The following CCDC82 variants were observed in gnomAD, a reference collection of about 807,000 sequenced individuals.
The protein encoded by CCDC82 is coiled-coil domain-containing protein 82.
In CCDC82, 47 loss-of-function variants were observed where a neutral mutation model predicts 60.6. The ratio of observed to expected loss-of-function variants is 0.77; its 90% confidence interval spans 0.61 to 0.99. The LOEUF (loss-of-function observed/expected upper bound fraction) is 0.99. Among genes scored for constraint, CCDC82 ranks in the 50% least tolerant of loss-of-function variants. The pLI is 0.00. For missense variants in CCDC82, 588 were observed against 633.0 expected (o/e 0.93, Z 0.76); for synonymous variants, 212 against 207.4 (o/e 1.02, Z -0.19).
rs758691852 is a variant in CCDC82 at position 96,384,213 on chromosome 11, G to C, written c.535C>G (p.Arg179Gly). 1.9e-6 allele frequency: 3 copies of C among 1,613,616 alleles called. No homozygotes were observed. The highest frequency in any genetic ancestry group is 2.5e-6 in the Non-Finnish European group (3 of 1,179,814). Residue 179 changes from arginine to glycine, a missense_variant, in exon 4 of 10, where the codon CGA becomes GGA. By Grantham distance (125) the Arg-to-Gly change is moderately radical. Coordinates refer to ENST00000646818, the MANE Select transcript of CCDC82 (RefSeq NM_024725.4). Reference sequence around the variant, plus strand: ...GAGGATAGCCTTTTTCTTTTTCCTCGCTTGATGTCTTCTTCTTCTAAATCA... The same window carrying C: ...GAGGATAGCCTTTTTCTTTTTCCTCCCTTGATGTCTTCTTCTTCTAAATCA... ...EDDLEEEDIK[R>G]GKRKRLSSVM... is the part of the protein sequence containing the mutation.
intron 1 of CCDC82, chr11:96,389,141 AATAAAC>A (rs931904737): frequency 6.6e-6 from 1 of 152,238 alleles, no homozygotes; most frequent in Non-Finnish European, 1.5e-5. Flanking sequence ...GATATAAGAA[AATAAAC>A]ATAAAGAGAG....
intron 8 of CCDC82, among the ~76,000 whole-genome samples, chr11:96,359,497 G>A (rs1054513493): frequency 2.0e-5 from 3 of 152,080 alleles, no homozygotes; most frequent in Non-Finnish European, 4.4e-5. Context: ...AAATGCTAGT[G>A]AAGAGGGGCA....
intron 8 of CCDC82, among the ~76,000 whole-genome samples, chr11:96,361,858 A>G (rs923474542): frequency 1.3e-5 from 2 of 152,238 alleles, no homozygotes; most frequent in East Asian, 1.9e-4. Context: ...TATTCTAACA[A>G]GAAAATTAGT....
At chr11:96,361,585 A>C (rs866429687) in intron 8 of CCDC82, among the ~76,000 whole-genome samples, 1 of 152,332 alleles carries the variant, frequency 6.6e-6, no homozygotes, top group South Asian at 2.1e-4. Context: ...CAGTAGATGC[A>C]AAGGATAGGT....
intron 9 of CCDC82, chr11:96,355,979 A>G (rs1219760428): frequency 1.3e-5 from 2 of 152,244 alleles, no homozygotes; most frequent in East Asian, 3.8e-4. Flanking sequence ...AGTAGCTACA[A>G]CTGCAGAAGG....
At chr11:96,374,455 T>C (rs1865457485) in intron 5 of CCDC82, among the ~76,000 whole-genome samples, 1 of 152,142 alleles carries the variant, frequency 6.6e-6, no homozygotes, top group Admixed American at 6.5e-5. Flanking sequence ...TATGCATTCT[T>C]TTCTAAGGAG....
intron 5 of CCDC82, among the ~76,000 whole-genome samples, chr11:96,378,046 TC>T (rs939851778): frequency 6.6e-6 from 1 of 151,940 alleles, no homozygotes; most frequent in African/African-American, 2.4e-5. Flanking sequence ...TGCCACTCCC[TC>T]CCCCAAATTT....
chr11:96,381,768 G>A (rs1865888337), intron 5 of CCDC82: 2 of 151,724 alleles, frequency 1.3e-5, no homozygotes, highest in South Asian at 4.1e-4. Flanking sequence ...GCAGACCCCT[G>A]ATAGTGCCCA....
chr11:96,384,163 A>T lies in CCDC82; in HGVS notation c.585T>A (p.Ser195Arg). 1 of 1,613,740 alleles carries T rather than the reference A, an allele frequency of 6.2e-7. No individual in the cohort carries two copies. Among genetic ancestry groups the T allele is most frequent in the Non-Finnish European group, 8.5e-7 (1 of 1,179,798 alleles). Residue 195 changes from serine to arginine, a missense_variant, in exon 4 of 10, where the codon AGT becomes AGA. Transcript: ENST00000646818. Reference sequence around the variant, plus strand: ...TTCTAACTAGGATATCGCTGTCATCACTCTCATCACTGTCACACATCACAG... The same window carrying T: ...TTCTAACTAGGATATCGCTGTCATCTCTCTCATCACTGTCACACATCACAG... ...LSSVMCDSDE[S>R]DDSDILVRKV...
intron 9 of CCDC82, chr11:96,357,753 T>A (rs908806680): frequency 1.0e-6 from 1 of 985,372 alleles, no homozygotes; most frequent in Non-Finnish European, 1.2e-6. Context: ...ATAAAAGCAC[T>A]TAAGAATTTA....
intron 5 of CCDC82, chr11:96,382,628 T>G (rs1284793503): frequency 6.6e-6 from 1 of 151,902 alleles, no homozygotes; most frequent in African/African-American, 2.4e-5. Flanking sequence ...AGTTCATTTA[T>G]ATGGTTTTGA....
intron 8 of CCDC82, chr11:96,364,150 T>C (rs1220065927): frequency 2.6e-5 from 4 of 152,142 alleles, no homozygotes; most frequent in African/African-American, 9.7e-5. Context: ...ACGAAATCAC[T>C]TTTGCTAGGA....
At chr11:96,370,379 C>G (rs1865197553) in intron 7 of CCDC82, among the ~76,000 whole-genome samples, 1 of 152,054 alleles carries the variant, frequency 6.6e-6, no homozygotes, top group Admixed American at 6.6e-5. Context: ...ATAACTGGTA[C>G]ATGAAACAAA....
At position 96,371,014 on chromosome 11, in the gene CCDC82, T is replaced by C. The variant is rs763850284; in HGVS notation, c.1208A>G (p.Lys403Arg). ...GAGATTCAAAAACAAACTGTGTACC[T>C]TATATTGCTCTTTCCAACGACTTCT... is the stretch of plus-strand genomic sequence containing the variant. ...VSRSRWKEQY[K>R]ERVENYSNVS... The change falls in exon 7 of 10, where the codon AAG becomes AGG. Residue 403 changes from lysine (K) to arginine (R), a missense_variant and splice_region_variant. Coordinates refer to ENST00000646818, the MANE Select transcript of CCDC82 (RefSeq NM_024725.4). The C allele has an allele frequency of 6.3e-7, 1 of 1,586,662 alleles. No individual in the cohort carries two copies.
intron 4 of CCDC82, 125 bp downstream of exon 4, chr11:96,383,837 C>T: frequency 2.3e-6 from 2 of 879,426 alleles, no homozygotes; most frequent in East Asian, 5.3e-5. Flanking sequence ...TTCAAGAATA[C>T]TTGATTAAAA....
chr11:96,360,094 C>T (rs113752468), intron 8 of CCDC82, among the ~76,000 whole-genome samples: 1,756 of 147,198 alleles, frequency 0.012, 29 homozygotes, highest in African/African-American at 0.041. Flanking sequence ...TCTGACTGCA[C>T]TGACCAAATT....
intron 7 of CCDC82, among the ~76,000 whole-genome samples, chr11:96,366,344 T>C (rs1864947074): frequency 6.6e-6 from 1 of 152,240 alleles, no homozygotes; most frequent in Non-Finnish European, 1.5e-5. Flanking sequence ...CTAATTAAGA[T>C]CTTACTGAAT....
intron 8 of CCDC82, among the ~76,000 whole-genome samples, chr11:96,359,642 T>A (rs1229835022): frequency 0.014 from 1,114 of 81,098 alleles, no homozygotes; most frequent in South Asian, 0.016. Flanking sequence ...ATGGGCAAAG[T>A]AAAAAAAAAA....
At chr11:96,378,144 T>C (rs556067648) in intron 5 of CCDC82, among the ~76,000 whole-genome samples, 2 of 152,146 alleles carry the variant, frequency 1.3e-5, no homozygotes, top group South Asian at 2.1e-4. Context: ...TTCTCAACTA[T>C]CTCCTGTCAT....
Sources: gnomAD v4.1 joint callset for allele counts (sites outside exome capture counted in the v4.1 genomes callset) on GRCh38, gnomAD v4.1.1 for gene constraint, MANE v1.5 for transcripts, NCBI Gene and HGNC (gene_info 2026-07-23, HGNC 2026-07-21) for gene names.